Variants in SOX30 observed in about 807,000 individuals in gnomAD.
SOX30 encodes transcription factor SOX-30.
A neutral mutation model predicts 58.6 loss-of-function variants in SOX30; 17 were observed. The ratio of observed to expected loss-of-function variants is 0.29; its 90% CI spans 0.20 to 0.44. The LOEUF (loss-of-function observed/expected upper bound fraction) is 0.44, where lower values mean the gene tolerates loss of function less well. Ranked by LOEUF, SOX30 falls within the 20% of genes least tolerant of loss-of-function variation. The pLI, the probability that SOX30 is intolerant of heterozygous loss-of-function variation, is 1.00. For synonymous variants in SOX30, 421 were observed against 400.2 expected (o/e 1.05, Z -0.62); for missense variants, 951 against 965.8 (o/e 0.98, Z 0.20).
intron 3 of SOX30, 54 bp from the exon 4 acceptor site, chr5:157,638,776 T>C (rs888957849): frequency 5.3e-6 from 8 of 1,519,894 alleles, no homozygotes; most frequent in Non-Finnish European, 3.5e-6. Context: ...TTCCATGTTT[T>C]TCTTCTTTCA....
At chr5:157,637,944 T>C (rs1266616289) in intron 4 of SOX30, among the ~76,000 whole-genome samples, 2 of 152,124 alleles carry the variant, frequency 1.3e-5, no homozygotes, top group Non-Finnish European at 2.9e-5. Context: ...CCCACCCACC[T>C]TGGCCTCCCA....
intron 2 of SOX30, chr5:157,667,763 T>TACACACAC: frequency 7.4e-7 from 1 of 1,342,866 alleles, no homozygotes; most frequent in Non-Finnish European, 9.9e-7. Context: ...CATACATACA[T>TACACACAC]ACACACACAC....
intron 2 of SOX30, among the ~76,000 whole-genome samples, chr5:157,647,624 G>T (rs1335094078): frequency 6.6e-6 from 1 of 151,898 alleles, no homozygotes; most frequent in African/African-American, 2.4e-5. Flanking sequence ...GCACGATCTC[G>T]GCTCACTGCA....
intron 2 of SOX30, 85 bp from the exon 3 acceptor site, chr5:157,646,901 A>G (rs920197974): frequency 1.0e-6 from 1 of 992,404 alleles, no homozygotes; most frequent in Non-Finnish European, 1.6e-6. Flanking sequence ...AAAGCACTTT[A>G]AAGTGTTTTA....
At position 157,666,467 on chromosome 5, in the gene SOX30, TTAGTC is replaced by T. The variant is rs1581410546; in HGVS notation, c.52+1326_52+1330del. Among the ~76,000 whole-genome samples, 3 of 140,960 alleles carry T rather than the reference TTAGTC, an allele frequency of 2.1e-5. No homozygotes were observed. The East Asian group carries it at 6.3e-4, about 30-fold the overall frequency. The allele number at this position is 140,960 out of a possible 152,430, so 92.5% of individuals were successfully genotyped here. A position where few individuals can be genotyped will look rare whatever the true frequency, so the allele number is the denominator to read the frequency against. On this transcript the variant is annotated intron_variant, in intron 2 of 5. Transcript: ENST00000519442. ...CCACTATGCCCAGATGAAAGATTCT[TTAGTC>T]CAGTAGACACACACACACACACACA...
At chr5:157,648,412 A>G (rs536983184) in intron 2 of SOX30, among the ~76,000 whole-genome samples, 11 of 152,204 alleles carry the variant, frequency 7.2e-5, no homozygotes, top group African/African-American at 2.6e-4. Context: ...CCACAATAAA[A>G]CTGCGTGTCC....
intron 2 of SOX30, among the ~76,000 whole-genome samples, chr5:157,659,431 G>A (rs1475048756): frequency 6.6e-6 from 1 of 152,166 alleles, no homozygotes; most frequent in Non-Finnish European, 1.5e-5. Context: ...GGTAAGTGGT[G>A]GGGTCCAATA....
rs369079492 is a variant in SOX30 at position 157,652,396 on chromosome 5, C to A, written c.-318G>T. ...CTCTCTTGTGGAGTTCTCTTACAGC[C>A]GTTGTCTTTAGTCATCCCTCCCCCA... On this transcript the variant is annotated 5_prime_UTR_variant, in exon 1 of 5. Transcript: ENST00000265007. 12 of 1,088,708 alleles carry A rather than the reference C, an allele frequency of 1.1e-5. No individual in the cohort carries two copies. The South Asian group carries it at 4.9e-4, about 45-fold the overall frequency. The allele number at this position is 1,088,708 out of a possible 1,614,324, so 67.4% of individuals were successfully genotyped here.
chr5:157,632,047 T>TAAAAAAAAAAAAAAAAAAAAAAAAAAA (rs570172679), intron 4 of SOX30, among the ~76,000 whole-genome samples: 11 of 56,404 alleles, frequency 2.0e-4, no homozygotes, highest in African/African-American at 8.6e-4. Flanking sequence ...ACCCCGTAAC[T>TAAAAAAAAAAAAAAAAAAAAAAAAAAA]AAAAAAAAAA....
At chr5:157,650,012 C>T (rs554253619) in intron 1 of SOX30, among the ~76,000 whole-genome samples, 4 of 152,130 alleles carry the variant, frequency 2.6e-5, no homozygotes, top group Middle Eastern at 3.4e-3. Context: ...CCCAGGAGTT[C>T]GAGACCAGCA....
intron 2 of SOX30, among the ~76,000 whole-genome samples, chr5:157,660,078 T>C (rs1759550000): frequency 6.6e-6 from 1 of 152,232 alleles, no homozygotes; most frequent in South Asian, 2.1e-4. Flanking sequence ...ATGAGGCATG[T>C]CTGACCACCC....
upstream of SOX30, among the ~76,000 whole-genome samples, chr5:157,655,680 G>A (rs1759458455): frequency 6.6e-6 from 1 of 152,024 alleles, no homozygotes; most frequent in South Asian, 2.1e-4. Flanking sequence ...CGCTGCAGTG[G>A]GTGGATCTTT....
At chr5:157,663,445 A>G (rs535366290) in intron 2 of SOX30, among the ~76,000 whole-genome samples, 240 of 152,302 alleles carry the variant, frequency 1.6e-3, no homozygotes, top group Non-Finnish European at 2.6e-3. Flanking sequence ...TATTGATGGG[A>G]TGTACCTCAA....
intron 3 of SOX30, among the ~76,000 whole-genome samples, chr5:157,642,214 G>A (rs1349643185): frequency 6.6e-6 from 1 of 152,052 alleles, no homozygotes; most frequent in East Asian, 1.9e-4. Context: ...TATTCAGGAG[G>A]CTGAGGCAGG....
chr5:157,637,263 T>A (rs1278113675), intron 4 of SOX30, among the ~76,000 whole-genome samples: 1 of 152,188 alleles, frequency 6.6e-6, no homozygotes, highest in African/African-American at 2.4e-5. Flanking sequence ...TACTTCCCTA[T>A]GAAAATGAAT....
intron 3 of SOX30, among the ~76,000 whole-genome samples, chr5:157,640,069 C>A (rs1759026620): frequency 6.6e-6 from 1 of 152,188 alleles, no homozygotes; most frequent in Admixed American, 6.5e-5. Context: ...CTACTCAGGC[C>A]CTTCCTGATT....
chr5:157,667,519 C>A (rs571210879), intron 2 of SOX30, among the ~76,000 whole-genome samples: 2 of 152,028 alleles, frequency 1.3e-5, no homozygotes, highest in African/African-American at 4.8e-5. Flanking sequence ...GAATCACCTG[C>A]GGTCAGGAAT....
chr5:157,667,792 AC>A, intron 2 of SOX30: 1 of 1,534,434 alleles, frequency 6.5e-7, no homozygotes, highest in African/African-American at 1.4e-5. Context: ...ACACACACAT[AC>A]AAACCTTGCT....
chr5:157,639,023 G>T (rs749198111), intron 3 of SOX30, among the ~76,000 whole-genome samples: 24 of 152,058 alleles, frequency 1.6e-4, no homozygotes, highest in Non-Finnish European at 3.4e-4. Context: ...CATTCTGTCT[G>T]GGGCAGAAGA....
Sources: gnomAD v4.1 joint callset for allele counts (sites outside exome capture counted in the v4.1 genomes callset) on GRCh38, gnomAD v4.1.1 for gene constraint, MANE v1.5 for transcripts, NCBI Gene and HGNC (gene_info 2026-07-23, HGNC 2026-07-21) for gene names.